Variants in PRDM5 observed in about 807,000 individuals in gnomAD.
PRDM5 encodes the protein PR/SET domain 5.
A neutral mutation model predicts 81.2 loss-of-function variants in PRDM5; 56 were observed. The observed-to-expected ratio is 0.69, with a 90% CI of 0.56 to 0.86. The LOEUF (loss-of-function observed/expected upper bound fraction) is 0.86. PRDM5 is among the 40% of genes least tolerant of loss of function. The pLI is 0.00. For missense variants in PRDM5, 697 were observed against 770.1 expected, an observed-to-expected ratio of 0.91 and a Z score of 1.12; for synonymous variants, 267 against 256.4, an observed-to-expected ratio of 1.04 and a Z score of -0.39.
intron 8 of PRDM5, among the ~76,000 whole-genome samples, chr4:120,808,693 C>A (rs1183784335): frequency 6.6e-6 from 1 of 152,178 alleles, no homozygotes; most frequent in African/African-American, 2.4e-5. Context: ...TCGGGCTGCA[C>A]AGGAGCCCAC....
At chr4:120,700,819 C>G (rs747228337) in intron 15 of PRDM5, among the ~76,000 whole-genome samples, 2 of 152,066 alleles carry the variant, frequency 1.3e-5, no homozygotes, top group Admixed American at 6.6e-5. Context: ...TCACACTAGT[C>G]AGAATGGCTA....
At chr4:120,773,160 G>A (rs747356836) in intron 13 of PRDM5, among the ~76,000 whole-genome samples, 1 of 152,090 alleles carries the variant, frequency 6.6e-6, no homozygotes, top group Non-Finnish European at 1.5e-5. Flanking sequence ...TGACCTGGCA[G>A]TTTTTTTCAT....
intron 14 of PRDM5, among the ~76,000 whole-genome samples, chr4:120,734,811 T>G (rs550343412): frequency 6.6e-6 from 1 of 152,334 alleles, no homozygotes; most frequent in South Asian, 2.1e-4. Flanking sequence ...CACCTTTCCT[T>G]GCCTAGCCCT....
intron 14 of PRDM5, among the ~76,000 whole-genome samples, chr4:120,736,112 G>C (rs1314643170): frequency 1.3e-5 from 2 of 151,572 alleles, no homozygotes; most frequent in Non-Finnish European, 2.9e-5. Context: ...TGTCTGGCTT[G>C]TTCCACTTAA....
At chr4:120,740,248 C>T (rs1741714719) in intron 14 of PRDM5, among the ~76,000 whole-genome samples, 1 of 152,146 alleles carries the variant, frequency 6.6e-6, no homozygotes, top group Admixed American at 6.5e-5. Flanking sequence ...GAGGCATATT[C>T]TCTTGTTCCT....
chr4:120,860,390 A>T (rs768194358), intron 2 of PRDM5, among the ~76,000 whole-genome samples: 42 of 151,972 alleles, frequency 2.8e-4, no homozygotes, highest in Admixed American at 2.0e-4. Flanking sequence ...AATTGGGCTA[A>T]TTTTTTTTAA....
intron 3 of PRDM5, among the ~76,000 whole-genome samples, chr4:120,839,869 G>A (rs1052041577): frequency 3.3e-5 from 5 of 152,216 alleles, no homozygotes; most frequent in Non-Finnish European, 5.9e-5. Flanking sequence ...TCTGCAGCGG[G>A]GGAGCTGAGG....
intron 14 of PRDM5, among the ~76,000 whole-genome samples, chr4:120,724,193 T>C (rs1007590874): frequency 2.0e-5 from 3 of 152,170 alleles, no homozygotes; most frequent in Non-Finnish European, 2.9e-5. Context: ...TTAGATGATG[T>C]CATTGAGAGT....
intron 14 of PRDM5, among the ~76,000 whole-genome samples, chr4:120,729,731 C>A (rs1739978354): frequency 6.6e-6 from 1 of 152,218 alleles, no homozygotes; most frequent in Non-Finnish European, 1.5e-5. Context: ...CATGAAATAT[C>A]TCTTCCTGGT....
rs1344661488 is a variant in PRDM5, at chr4:120,717,943, G to A, written c.1624-7530C>T. Among the ~76,000 whole-genome samples, 4 of 152,130 alleles carry A rather than the reference G, an allele frequency of 2.6e-5. 1 individual carries two copies. Among genetic ancestry groups the A allele is most frequent in the South Asian group, 4.1e-4 (2 of 4,820 alleles). Reference sequence around the variant, plus strand: ...TGCTTAATAGTTCTCTTTCATGACCGTGATAGCTGACTCTACTGAAATTGA... The same window carrying A: ...TGCTTAATAGTTCTCTTTCATGACCATGATAGCTGACTCTACTGAAATTGA... On this transcript the variant is annotated intron_variant, in intron 14 of 15. Coordinates refer to ENST00000264808, the MANE Select transcript of PRDM5 (RefSeq NM_018699.4).
At chr4:120,822,574 T>A (rs1337079789) in intron 3 of PRDM5, among the ~76,000 whole-genome samples, 2 of 152,172 alleles carry the variant, frequency 1.3e-5, no homozygotes, top group African/African-American at 2.4e-5. Flanking sequence ...TAAACACAAT[T>A]AGAACCTTCA....
chr4:120,818,369 G>T lies in PRDM5; in HGVS notation c.634C>A (p.Gln212Lys), dbSNP rs1170905546. The T allele has an allele frequency of 6.2e-7, 1 of 1,613,922 alleles. No homozygotes were observed. Among genetic ancestry groups the T allele is most frequent in the Admixed American group, 1.7e-5 (1 of 59,976 alleles). Residue 212 changes from glutamine to lysine, a missense_variant, in exon 5 of 16, where the codon CAG becomes AAG. Gln to Lys is a moderately conservative substitution (Grantham distance 53). Transcript: ENST00000264808. Reference sequence around the variant, plus strand: ...TATACGCACTGTCTTTGCAAAGCCTGCTTAACTGGGAATTTCTTCCCACAG... The same window carrying T: ...TATACGCACTGTCTTTGCAAAGCCTTCTTAACTGGGAATTTCTTCCCACAG... ...KNCGKKFPVK[Q>K]ALQRHVLQCT...
At chr4:120,697,672 T>C (rs1734701486) in intron 15 of PRDM5, among the ~76,000 whole-genome samples, 2 of 97,478 alleles carry the variant, frequency 2.1e-5, no homozygotes. Context: ...AGCTAACTAT[T>C]TTTTTTTTTT....
At chr4:120,845,691 G>A (rs1758574108) in intron 3 of PRDM5, among the ~76,000 whole-genome samples, 1 of 152,140 alleles carries the variant, frequency 6.6e-6, no homozygotes, top group Non-Finnish European at 1.5e-5. Flanking sequence ...TGCAGCCCAT[G>A]GATCAAGGAT....
rs548008191 is a variant in PRDM5 at position 120,733,707 on chromosome 4, C to T, written c.1623+20846G>A. On this transcript the variant is annotated intron_variant, in intron 14 of 15. Transcript: ENST00000264808. Reference sequence around the variant, plus strand: ...CCAGGTTTTAAACACACTGTCCTTTCGATGTTAATAATGTTAATAAAGATC... The same window carrying T: ...CCAGGTTTTAAACACACTGTCCTTTTGATGTTAATAATGTTAATAAAGATC... 2.2e-4 allele frequency among the ~76,000 whole-genome samples: 34 copies of T among 152,030 alleles called. No individual in the cohort carries two copies. In the South Asian group the frequency reaches 5.6e-3, roughly 25 times the overall value.
At chr4:120,900,570 G>A (rs573883429) in intron 2 of PRDM5, among the ~76,000 whole-genome samples, 7 of 152,316 alleles carry the variant, frequency 4.6e-5, no homozygotes, top group African/African-American at 1.4e-4. Flanking sequence ...TCACCAGTGT[G>A]TAAGTGAAGA....
chr4:120,776,036 T>C (rs1748105506), intron 13 of PRDM5, among the ~76,000 whole-genome samples: 1 of 151,552 alleles, frequency 6.6e-6, no homozygotes, highest in Admixed American at 6.6e-5. Flanking sequence ...CTCATTCCCA[T>C]GTGCTGCCCT....
intron 13 of PRDM5, among the ~76,000 whole-genome samples, chr4:120,767,058 C>G (rs908121047): frequency 2.6e-5 from 4 of 152,100 alleles, no homozygotes; most frequent in African/African-American, 9.7e-5. Flanking sequence ...AGCAAGGATA[C>G]AACCAGTTGG....
chr4:120,737,576 G>A (rs1741303228), intron 14 of PRDM5, among the ~76,000 whole-genome samples: 2 of 152,198 alleles, frequency 1.3e-5, no homozygotes, highest in African/African-American at 4.8e-5. Context: ...ACAGACACAA[G>A]CAGGGCCTGT....
Sources: gnomAD v4.1 joint callset for allele counts (sites outside exome capture counted in the v4.1 genomes callset) on GRCh38, gnomAD v4.1.1 for gene constraint, MANE v1.5 for transcripts, NCBI Gene and HGNC (gene_info 2026-07-23, HGNC 2026-07-21) for gene names.